The following ZNF385D variants were observed in gnomAD, a reference collection of about 807,000 sequenced individuals.
The protein encoded by ZNF385D is zinc finger protein 659.
Under a neutral mutation model 35.8 loss-of-function variants are expected in ZNF385D, and 15 were observed. That is an observed-to-expected ratio of 0.42 (90% CI 0.28 to 0.64). The LOEUF is 0.64. Among genes scored for constraint, ZNF385D ranks in the 30% least tolerant of loss-of-function variants. The probability of loss-of-function intolerance (pLI) is 0.23; values close to 1 mark genes in which losing one functional copy is unlikely to be tolerated. For missense variants in ZNF385D, 474 were observed against 494.6 expected, an observed-to-expected ratio of 0.96 and a Z score of 0.39; for synonymous variants, 212 against 186.8, an observed-to-expected ratio of 1.13 and a Z score of -1.10.
chr3:21,775,042 A>G (rs994507943), intron 3 of ZNF385D, among the ~76,000 whole-genome samples: 2 of 151,880 alleles, frequency 1.3e-5, no homozygotes, highest in Non-Finnish European at 2.9e-5. Flanking sequence ...GTATAAGTAC[A>G]AATGACATAA....
At chr3:21,971,801 GAGC>G (rs1474350442) in intron 3 of ZNF385D, among the ~76,000 whole-genome samples, 3 of 151,780 alleles carry the variant, frequency 2.0e-5, no homozygotes, top group Admixed American at 6.6e-5. Context: ...AGCCAAAAAA[GAGC>G]AGGAGTGGCT....
chr3:21,905,099 G>A (rs888638167), intron 3 of ZNF385D, among the ~76,000 whole-genome samples: 1 of 146,672 alleles, frequency 6.8e-6, no homozygotes, highest in Non-Finnish European at 1.5e-5. Flanking sequence ...ATAATGATAT[G>A]TATTAGAGAT....
chr3:21,764,986 C>A (rs1171256158), intron 3 of ZNF385D, among the ~76,000 whole-genome samples: 3 of 152,058 alleles, frequency 2.0e-5, no homozygotes, highest in Non-Finnish European at 4.4e-5. Flanking sequence ...TGAGACGTAT[C>A]CTTAGACTGA....
chr3:22,037,754 T>A (rs1698427868), intron 3 of ZNF385D, among the ~76,000 whole-genome samples: 3 of 152,124 alleles, frequency 2.0e-5, no homozygotes, highest in Admixed American at 2.0e-4. Flanking sequence ...TGTCATTGCT[T>A]TTGGTGTTTT....
intron 2 of ZNF385D, among the ~76,000 whole-genome samples, chr3:22,315,221 G>A (rs1703819502): frequency 6.6e-6 from 1 of 152,178 alleles, no homozygotes; most frequent in Non-Finnish European, 1.5e-5. Context: ...TTAGTAGAGT[G>A]GATGGGAATG....
chr3:21,990,050 T>G (rs1695063645), intron 3 of ZNF385D, among the ~76,000 whole-genome samples: 1 of 152,178 alleles, frequency 6.6e-6, no homozygotes, highest in Non-Finnish European at 1.5e-5. Flanking sequence ...AAAGGTACAT[T>G]TTACCCTGAC....
chr3:21,700,462 T>C (rs546899358), intron 1 of ZNF385D, among the ~76,000 whole-genome samples: 1 of 152,330 alleles, frequency 6.6e-6, no homozygotes, highest in South Asian at 2.1e-4. Context: ...TACCATATGA[T>C]TAATTTTTAA....
intron 3 of ZNF385D, among the ~76,000 whole-genome samples, chr3:22,008,594 G>C (rs1576141721): frequency 6.6e-6 from 1 of 152,188 alleles, no homozygotes; most frequent in Middle Eastern, 3.4e-3. Context: ...CTGACCTCGT[G>C]ATCCGCCCAC....
At chr3:22,094,292 C>T (rs940139779) in intron 3 of ZNF385D, among the ~76,000 whole-genome samples, 7 of 143,122 alleles carry the variant, frequency 4.9e-5, no homozygotes, top group Non-Finnish European at 7.7e-5. Context: ...CTTGAATGCA[C>T]ACTTGGCTAG....
intron 3 of ZNF385D, among the ~76,000 whole-genome samples, chr3:22,036,861 C>T (rs186986169): frequency 8.8e-6 from 1 of 113,644 alleles, no homozygotes; most frequent in African/African-American, 3.3e-5. Context: ...ATCCCTCCCC[C>T]CTCCCCCCAC....
At chr3:21,911,234 A>T (rs1038356905) in intron 3 of ZNF385D, among the ~76,000 whole-genome samples, 1 of 152,002 alleles carries the variant, frequency 6.6e-6, no homozygotes, top group African/African-American at 2.4e-5. Context: ...AGCTAAAAAA[A>T]ATTAAGGTTT....
chr3:21,967,173 T>C (rs190143193), intron 3 of ZNF385D, among the ~76,000 whole-genome samples: 1 of 152,328 alleles, frequency 6.6e-6, no homozygotes, highest in Admixed American at 6.5e-5. Context: ...GTCATTACTT[T>C]AAGCATTTCT....
chr3:21,604,339 G>GA (rs1204733323), intron 2 of ZNF385D, among the ~76,000 whole-genome samples: 2 of 152,200 alleles, frequency 1.3e-5, no homozygotes, highest in Non-Finnish European at 2.9e-5. Flanking sequence ...CCAATGTGAA[G>GA]AAAGACATTC....
At chr3:22,321,850 G>T (rs1213263350) in intron 2 of ZNF385D, among the ~76,000 whole-genome samples, 2 of 151,648 alleles carry the variant, frequency 1.3e-5, no homozygotes, top group South Asian at 2.1e-4. Flanking sequence ...TCTGTTCTTT[G>T]AATCTTCATT....
chr3:22,073,326 C>T (rs1254947857), intron 3 of ZNF385D, among the ~76,000 whole-genome samples: 2 of 138,250 alleles, frequency 1.4e-5, no homozygotes, highest in Admixed American at 7.2e-5. Context: ...AAGAAACAGA[C>T]AGTGAAAAAA....
intron 3 of ZNF385D, among the ~76,000 whole-genome samples, chr3:22,122,452 C>T (rs1440679027): frequency 1.3e-5 from 2 of 151,932 alleles, no homozygotes; most frequent in African/African-American, 4.8e-5. Flanking sequence ...ATATTGTCTA[C>T]TATGAAAAAT....
At chr3:21,750,852 A>G (rs1210964314) in intron 1 of ZNF385D, 43 bp downstream of exon 1, 2 of 1,611,886 alleles carry the variant, frequency 1.2e-6, no homozygotes, top group Non-Finnish European at 8.5e-7. Flanking sequence ...ACGGATGAAG[A>G]GCCGGACACC....
intron 3 of ZNF385D, among the ~76,000 whole-genome samples, chr3:22,156,400 A>C (rs1441991070): frequency 6.6e-6 from 1 of 152,104 alleles, no homozygotes; most frequent in East Asian, 1.9e-4. Flanking sequence ...CTGCCCCTGC[A>C]CAGATGGATT....
At chr3:21,963,623 G>T (rs994118588) in intron 3 of ZNF385D, among the ~76,000 whole-genome samples, 12 of 152,136 alleles carry the variant, frequency 7.9e-5, no homozygotes, top group Non-Finnish European at 1.5e-4. Context: ...GTGGTTGACA[G>T]TTTCTCCATT....
Sources: gnomAD v4.1 joint callset for allele counts (sites outside exome capture counted in the v4.1 genomes callset) on GRCh38, gnomAD v4.1.1 for gene constraint, MANE v1.5 for transcripts, NCBI Gene and HGNC (gene_info 2026-07-23, HGNC 2026-07-21) for gene names.